SPOCK1: variants seen among roughly 807,000 people sequenced by gnomAD.
SPOCK1 encodes SPARC (osteonectin), cwcv and kazal like domains proteoglycan 1, also known as testican-1.
SPOCK1 carries 23 observed loss-of-function variants against 55.3 expected under a neutral mutation model. The ratio of observed to expected loss-of-function variants is 0.42; its 90% CI spans 0.30 to 0.59. SPOCK1 has a LOEUF of 0.59. SPOCK1 is among the 20% of genes least tolerant of loss of function. SPOCK1 has a pLI of 0.22. For missense variants in SPOCK1, 499 were observed against 552.5 expected, an observed-to-expected ratio of 0.90 and a Z score of 0.97; for synonymous variants, 226 against 221.0, an observed-to-expected ratio of 1.02 and a Z score of -0.20.
intron 3 of SPOCK1, among the ~76,000 whole-genome samples, chr5:137,247,918 C>G (rs533621042): frequency 3.3e-5 from 5 of 152,140 alleles, no homozygotes; most frequent in Non-Finnish European, 7.4e-5. Flanking sequence ...GATCTGCCCC[C>G]CAAAAACCCA....
At chr5:137,039,458 A>T (rs914588834) in intron 6 of SPOCK1, among the ~76,000 whole-genome samples, 1 of 151,912 alleles carries the variant, frequency 6.6e-6, no homozygotes, top group African/African-American at 2.4e-5. Context: ...TTCAGTTACT[A>T]CTTTTCCTCA....
chr5:137,185,251 T>C (rs557876161), intron 3 of SPOCK1, among the ~76,000 whole-genome samples: 22 of 152,326 alleles, frequency 1.4e-4, no homozygotes, highest in African/African-American at 5.3e-4. Flanking sequence ...TCTTATTCTC[T>C]TTCCTTTGGA....
At chr5:137,417,598 C>T (rs1580914560) in intron 2 of SPOCK1, among the ~76,000 whole-genome samples, 1 of 152,060 alleles carries the variant, frequency 6.6e-6, no homozygotes, top group East Asian at 1.9e-4. Context: ...ATGTTACCTG[C>T]TCTAGAACTT....
chr5:137,130,407 C>T (rs538362693), intron 4 of SPOCK1, among the ~76,000 whole-genome samples: 9 of 152,306 alleles, frequency 5.9e-5, no homozygotes, highest in African/African-American at 1.9e-4. Flanking sequence ...GAAATTATCA[C>T]AAACTCCAAC....
chr5:137,266,515 C>T (rs115192371), intron 3 of SPOCK1, among the ~76,000 whole-genome samples: 2 of 152,132 alleles, frequency 1.3e-5, no homozygotes, highest in African/African-American at 4.8e-5. Context: ...AAGTAGTCAT[C>T]GAGCTAACTC....
chr5:137,160,656 AT>A (rs1754535142), intron 3 of SPOCK1, among the ~76,000 whole-genome samples: 1 of 108,070 alleles, frequency 9.3e-6, no homozygotes, highest in African/African-American at 3.8e-5. Context: ...TTTATATAAT[AT>A]ACAATATATA....
intron 2 of SPOCK1, among the ~76,000 whole-genome samples, chr5:137,360,206 A>G (rs1418836525): frequency 6.6e-6 from 1 of 152,258 alleles, no homozygotes; most frequent in East Asian, 1.9e-4. Flanking sequence ...ACATAAAAAC[A>G]AACACACAGG....
rs558813016 is a variant in SPOCK1, at chr5:137,380,315, A to G, written c.187-113260T>C. ...ATGCAATTGCTTTATTGGTGTAGTC[A>G]CCACAATAGCTTCTGGGTACATTTT... On this transcript the variant is annotated intron_variant, in intron 2 of 10. Transcript: ENST00000394945. Among the ~76,000 whole-genome samples, 3 of 152,350 alleles carry G rather than the reference A, an allele frequency of 2.0e-5. No individual in the cohort carries two copies. In the South Asian group the frequency reaches 6.2e-4, roughly 32 times the overall value.
chr5:137,438,979 A>C (rs1167732366), intron 2 of SPOCK1, among the ~76,000 whole-genome samples: 1 of 152,214 alleles, frequency 6.6e-6, no homozygotes, highest in East Asian at 1.9e-4. Context: ...TGCATCAGTA[A>C]AGCACACACT....
At chr5:137,078,381 T>A (rs1359920956) in intron 5 of SPOCK1, among the ~76,000 whole-genome samples, 1 of 152,184 alleles carries the variant, frequency 6.6e-6, no homozygotes, top group Non-Finnish European at 1.5e-5. Context: ...CCATGCTGCC[T>A]GTTCCCCACT....
At chr5:137,358,837 A>G (rs1750880466) in intron 2 of SPOCK1, among the ~76,000 whole-genome samples, 1 of 149,132 alleles carries the variant, frequency 6.7e-6, no homozygotes, top group Admixed American at 6.6e-5. Flanking sequence ...GGGTTTTTCT[A>G]TGCCTCCTGG....
At chr5:137,210,384 C>G (rs1025536442) in intron 3 of SPOCK1, among the ~76,000 whole-genome samples, 4 of 152,068 alleles carry the variant, frequency 2.6e-5, no homozygotes, top group Admixed American at 6.5e-5. Context: ...TCTAGGGAAC[C>G]CTTAAGGCAA....
chr5:137,093,566 A>G (rs1436489737), intron 5 of SPOCK1, among the ~76,000 whole-genome samples: 1 of 152,192 alleles, frequency 6.6e-6, no homozygotes, highest in African/African-American at 2.4e-5. Context: ...GGTAATTGGT[A>G]TGAAGAAAGC....
intron 6 of SPOCK1, 165 bp from the exon 7 acceptor site, chr5:136,992,765 G>C (rs1262243062): frequency 3.8e-6 from 2 of 522,040 alleles, no homozygotes; most frequent in African/African-American, 3.9e-5. Flanking sequence ...TACAAACAAA[G>C]AGTGGGACAA....
intron 3 of SPOCK1, among the ~76,000 whole-genome samples, chr5:137,186,554 G>C (rs961055043): frequency 6.6e-5 from 10 of 152,226 alleles, no homozygotes; most frequent in Admixed American, 2.6e-4. Context: ...GCAATGGGAA[G>C]GGGACAGAAG....
intron 3 of SPOCK1, among the ~76,000 whole-genome samples, chr5:137,246,779 C>T (rs943552752): frequency 2.6e-5 from 4 of 152,108 alleles, no homozygotes; most frequent in African/African-American, 2.4e-5. Flanking sequence ...AACATGTGGC[C>T]GTGGCACATG....
At chr5:137,207,025 T>C (rs1755531546) in intron 3 of SPOCK1, among the ~76,000 whole-genome samples, 1 of 152,212 alleles carries the variant, frequency 6.6e-6, no homozygotes, top group African/African-American at 2.4e-5. Flanking sequence ...GAGTAAGGCA[T>C]GCTTGCCCCT....
chr5:137,028,611 A>G (rs1337587477), intron 6 of SPOCK1, among the ~76,000 whole-genome samples: 1 of 152,130 alleles, frequency 6.6e-6, no homozygotes, highest in Non-Finnish European at 1.5e-5. Context: ...GTCCTGGGGT[A>G]GAGAGATCAG....
At chr5:137,381,828 C>T (rs1751477403) in intron 2 of SPOCK1, among the ~76,000 whole-genome samples, 1 of 152,352 alleles carries the variant, frequency 6.6e-6, no homozygotes, top group Admixed American at 6.5e-5. Flanking sequence ...TCTGCATTGT[C>T]TTGGCTATTA....
Sources: gnomAD v4.1 joint callset for allele counts (sites outside exome capture counted in the v4.1 genomes callset) on GRCh38, gnomAD v4.1.1 for gene constraint, MANE v1.5 for transcripts, NCBI Gene and HGNC (gene_info 2026-07-23, HGNC 2026-07-21) for gene names.